The following CLTB variants were observed in gnomAD, a reference collection of about 807,000 sequenced individuals.
CLTB encodes clathrin, light chain (Lcb).
In CLTB, 10 loss-of-function variants were observed where a neutral mutation model predicts 30.5. The observed-to-expected ratio is 0.33, with a 90% confidence interval of 0.20 to 0.56. CLTB has a LOEUF of 0.56. CLTB is among the 20% of genes least tolerant of loss of function. The probability of loss-of-function intolerance (pLI) is 0.91; values close to 1 mark genes in which losing one functional copy is unlikely to be tolerated. For missense variants in CLTB, 261 were observed against 308.3 expected (o/e 0.85, Z 1.15); for synonymous variants, 102 against 120.3 (o/e 0.85, Z 1.00).
At chr5:176,396,626 GCATT>G in intron 4 of CLTB, 94 bp from the exon 5 acceptor site, 6 of 857,000 alleles carry the variant, frequency 7.0e-6, no homozygotes, top group Non-Finnish European at 1.2e-5. Flanking sequence ...GAGAGAGACA[GCATT>G]AGTACCTCCA....
intron 2 of CLTB, among the ~76,000 whole-genome samples, chr5:176,398,556 C>T (rs1229930246): frequency 6.6e-6 from 1 of 151,598 alleles, no homozygotes; most frequent in Admixed American, 6.6e-5. Flanking sequence ...ACTAAAAATA[C>T]AAAAAATTAG....
At chr5:176,396,905 C>T (rs1369309000) in intron 4 of CLTB, among the ~76,000 whole-genome samples, 2 of 152,098 alleles carry the variant, frequency 1.3e-5, no homozygotes, top group African/African-American at 4.8e-5. Flanking sequence ...TAATACATCA[C>T]ATTTTTTTCT....
At chr5:176,406,489 G>A (rs1757127018) in intron 2 of CLTB, 1 of 1,207,206 alleles carries the variant, frequency 8.3e-7, no homozygotes, top group Non-Finnish European at 1.1e-6. Flanking sequence ...TCTAAGCTAA[G>A]CTGAGCTGCT....
intron 3 of CLTB, 44 bp from the exon 4 acceptor site, chr5:176,397,762 T>A (rs1157398994): frequency 6.3e-7 from 1 of 1,580,582 alleles, no homozygotes; most frequent in Non-Finnish European, 8.7e-7. Context: ...CCAGCTGGGA[T>A]GCACAGGCCC....
At chr5:176,397,846 A>C in intron 3 of CLTB, 84 bp downstream of exon 3, 2 of 1,458,194 alleles carry the variant, frequency 1.4e-6, no homozygotes, top group Non-Finnish European at 1.9e-6. Flanking sequence ...TAAGGCATGC[A>C]GCATCCCATG....
At chr5:176,406,556 G>A in intron 2 of CLTB, 1 of 1,280,934 alleles carries the variant, frequency 7.8e-7, no homozygotes, top group Non-Finnish European at 1.0e-6. Context: ...AAGGAGAGAG[G>A]ATCTGTGCAG....
chr5:176,396,374 G>A (rs889824914), intron 5 of CLTB, 105 bp downstream of exon 5: 8 of 1,060,896 alleles, frequency 7.5e-6, no homozygotes, highest in African/African-American at 4.7e-5. Context: ...CCATTGCTCC[G>A]AGCCCAGCCA....
chr5:176,409,085 T>C (rs1469806469), intron 2 of CLTB, among the ~76,000 whole-genome samples: 2 of 152,152 alleles, frequency 1.3e-5, no homozygotes, highest in Admixed American at 6.6e-5. Flanking sequence ...CAAGCTATTC[T>C]CCTGCCTCAG....
Position 176,416,286 on chromosome 5 carries a change from G to A in CLTB, c.78C>T (p.Ala26=). The A allele has an allele frequency of 1.2e-6, 2 of 1,606,068 alleles. No homozygotes were observed. Among genetic ancestry groups the A allele is most frequent in the Non-Finnish European group, 1.7e-6 (2 of 1,177,500 alleles). ...PEAAEEDPAA[A]FLAQQESEIA... is the part of the protein sequence containing the mutation. ...TCTCGCTCTCCTGCTGGGCCAGGAA[G>A]GCGGCCGCCGGGTCCTCCTCCGCCG... The change falls in exon 1 of 6, where the codon GCC becomes GCT. Residue 26 remains alanine, a synonymous_variant. Coordinates refer to ENST00000310418, the MANE Select transcript of CLTB (RefSeq NM_007097.5).
At chr5:176,414,523 C>T (rs982572057) in intron 1 of CLTB, among the ~76,000 whole-genome samples, 1 of 151,856 alleles carries the variant, frequency 6.6e-6, no homozygotes, top group African/African-American at 2.4e-5. Flanking sequence ...CCTACCTACA[C>T]CTCCCGGGCT....
intron 2 of CLTB, among the ~76,000 whole-genome samples, chr5:176,405,338 A>T (rs985043683): frequency 6.6e-6 from 1 of 151,874 alleles, no homozygotes; most frequent in Non-Finnish European, 1.5e-5. Context: ...AAAAATTAAA[A>T]AATTAGCCAG....
At chr5:176,400,336 A>T (rs575328274) in intron 2 of CLTB, among the ~76,000 whole-genome samples, 1 of 152,328 alleles carries the variant, frequency 6.6e-6, no homozygotes, top group South Asian at 2.1e-4. Context: ...CTCAGTGAAT[A>T]GTAGCTAGAA....
chr5:176,400,094 G>A lies in CLTB; in HGVS notation c.235-2047C>T, dbSNP rs551448950. Among the ~76,000 whole-genome samples, 16 of 151,316 alleles carry A rather than the reference G, an allele frequency of 1.1e-4. No individual in the cohort carries two copies. In the East Asian group the frequency reaches 2.7e-3, roughly 26 times the overall value. ...TAATCCCACCTACTCGGGAGGCTGAGGCACAAGAATCACTTGAATCCGGGG... is the reference window on the plus strand; with the variant it reads ...TAATCCCACCTACTCGGGAGGCTGAAGCACAAGAATCACTTGAATCCGGGG... On this transcript the variant is annotated intron_variant, in intron 2 of 5. Coordinates refer to ENST00000310418, the MANE Select transcript of CLTB (RefSeq NM_007097.5).
intron 2 of CLTB, chr5:176,406,537 A>T (rs1757131769): frequency 7.9e-7 from 1 of 1,270,120 alleles, no homozygotes; most frequent in Admixed American, 2.5e-5. Flanking sequence ...TGATGGGAGT[A>T]TTAGGGGAAA....
intron 2 of CLTB, among the ~76,000 whole-genome samples, chr5:176,401,390 A>G (rs886814064): frequency 2.0e-5 from 3 of 152,224 alleles, no homozygotes; most frequent in Non-Finnish European, 2.9e-5. Flanking sequence ...ACCACCACCC[A>G]ATCCCCACTC....
intron 5 of CLTB, among the ~76,000 whole-genome samples, chr5:176,394,898 G>C (rs1581422561): frequency 6.6e-6 from 1 of 151,980 alleles, no homozygotes; most frequent in South Asian, 2.1e-4. Context: ...ATTTCCTCAG[G>C]CTCAACAGAA....
At chr5:176,397,323 T>TAGCCCCTCTCATGTCCCCAC (rs1561792320) in intron 4 of CLTB, among the ~76,000 whole-genome samples, 4 of 116,420 alleles carry the variant, frequency 3.4e-5, no homozygotes, top group Non-Finnish European at 5.3e-5. Context: ...CATGTCCCCA[T>TAGCCCCTCTCATGTCCCCAC]AGCCCCTCTC....
chr5:176,416,026 C>T, intron 1 of CLTB, 151 bp downstream of exon 1: 2 of 702,542 alleles, frequency 2.8e-6, no homozygotes, highest in Non-Finnish European at 4.4e-6. Context: ...GGAAGTCCTA[C>T]ATGGAGATCT....
rs374839373 is a variant in CLTB at position 176,392,721 on chromosome 5, C to G, written c.*53G>C. On this transcript the variant is annotated 3_prime_UTR_variant, in exon 6 of 6. Transcript: ENST00000310418. The surrounding 1 kb of genome is among the most constrained non-coding windows in gnomAD (Gnocchi z 5.2). Reference sequence around the variant, plus strand: ...CTCCACCCCGACCAAAGCAGCTGCTCCTCCTGTGCCCAGGCCCAGCCCATG... The same window carrying G: ...CTCCACCCCGACCAAAGCAGCTGCTGCTCCTGTGCCCAGGCCCAGCCCATG... The G allele has an allele frequency of 1.9e-5, 31 of 1,595,656 alleles. No individual in the cohort carries two copies. Among genetic ancestry groups the G allele is most frequent in the South Asian group, 1.9e-4 (17 of 90,458 alleles).
Sources: gnomAD v4.1 joint callset for allele counts (sites outside exome capture counted in the v4.1 genomes callset) on GRCh38, gnomAD v4.1.1 for gene constraint, Gnocchi (gnomAD v3.1) non-coding constraint, MANE v1.5 for transcripts, NCBI Gene and HGNC (gene_info 2026-07-23, HGNC 2026-07-21) for gene names.